The following THSD4 variants were observed in gnomAD, a reference collection of about 807,000 sequenced individuals.
THSD4 encodes the protein thrombospondin type 1 domain containing 4.
THSD4 carries 69 observed loss-of-function variants against 119.0 expected under a neutral mutation model. That is an observed-to-expected ratio of 0.58 (90% CI 0.48 to 0.71). The LOEUF is 0.71. THSD4 is among the 30% of genes least tolerant of loss of function. THSD4 has a pLI of 0.00. For missense variants in THSD4, 1,393 were observed against 1,391.1 expected (o/e 1.00, Z -0.02); for synonymous variants, 524 against 540.4 (o/e 0.97, Z 0.42).
intron 6 of THSD4, among the ~76,000 whole-genome samples, chr15:71,310,379 T>G (rs1487370033): frequency 6.6e-6 from 1 of 152,152 alleles, no homozygotes; most frequent in Non-Finnish European, 1.5e-5. Flanking sequence ...AAAGCCAGAT[T>G]AATTGGAGAA....
At chr15:71,227,583 A>G (rs570699852) in intron 4 of THSD4, among the ~76,000 whole-genome samples, 3 of 152,210 alleles carry the variant, frequency 2.0e-5, no homozygotes, top group Non-Finnish European at 2.9e-5. Context: ...AGGACCTACT[A>G]TGTGCCACAT....
intron 1 of THSD4, 134 bp from the exon 2 acceptor site, chr15:71,141,315 A>G: frequency 3.7e-6 from 2 of 546,096 alleles, no homozygotes; most frequent in East Asian, 6.2e-5. Context: ...CAGTTGGGAA[A>G]TCCTGGGAAC....
intron 6 of THSD4, among the ~76,000 whole-genome samples, chr15:71,271,829 A>C (rs1353278492): frequency 6.6e-6 from 1 of 152,174 alleles, no homozygotes; most frequent in Non-Finnish European, 1.5e-5. Flanking sequence ...TATCAACTAT[A>C]CAACTACTAG....
intron 3 of THSD4, among the ~76,000 whole-genome samples, chr15:71,166,045 C>T (rs2043292087): frequency 6.6e-6 from 1 of 152,130 alleles, no homozygotes; most frequent in Non-Finnish European, 1.5e-5. Context: ...GTGCCAGGAT[C>T]TCACCAGTGG....
At chr15:71,125,349 G>C (rs1327577469) in intron 1 of THSD4, among the ~76,000 whole-genome samples, 1 of 152,112 alleles carries the variant, frequency 6.6e-6, no homozygotes, top group Non-Finnish European at 1.5e-5. Context: ...CTTGTGTCTG[G>C]CACACAGTGA....
intron 7 of THSD4, among the ~76,000 whole-genome samples, chr15:71,567,919 C>T (rs989576305): frequency 6.6e-6 from 1 of 152,062 alleles, no homozygotes; most frequent in Non-Finnish European, 1.5e-5. Flanking sequence ...TGGATAAGAC[C>T]TTAAGGGAAT....
At position 71,471,296 on chromosome 15, in the gene THSD4, A is replaced by C. The variant is rs368319788; in HGVS notation, c.1152+59473A>C. 3.3e-5 allele frequency among the ~76,000 whole-genome samples: 5 copies of C among 152,312 alleles called. No homozygotes were observed. In the East Asian group the frequency reaches 9.7e-4, roughly 29 times the overall value. On this transcript the variant is annotated intron_variant, in intron 7 of 17. Coordinates refer to ENST00000261862, the MANE Select transcript of THSD4 (RefSeq NM_024817.3). ...CTAGGGCAAGCAGGTGGAGGTGTCCAAAAATCAGACTCATGGAGGGGAGGG... is the reference window on the plus strand; with the variant it reads ...CTAGGGCAAGCAGGTGGAGGTGTCCCAAAATCAGACTCATGGAGGGGAGGG...
chr15:71,157,427 C>T lies in THSD4; in HGVS notation c.99+2495C>T, dbSNP rs144455611. 1.1e-3 allele frequency among the ~76,000 whole-genome samples: 166 copies of T among 151,944 alleles called. 3 individuals are homozygous for T. In the East Asian group the frequency reaches 0.028, roughly 26 times the overall value. On this transcript the variant is annotated intron_variant, in intron 3 of 17. Coordinates refer to ENST00000261862, the MANE Select transcript of THSD4 (RefSeq NM_024817.3). ...ATCAGGGTATTTAGCATTCTAGTCACCTCATGCATTTATCATTTTTTTTTG... is the reference window on the plus strand; with the variant it reads ...ATCAGGGTATTTAGCATTCTAGTCATCTCATGCATTTATCATTTTTTTTTG...
chr15:71,603,853 G>A (rs11633704), intron 7 of THSD4, among the ~76,000 whole-genome samples: 12,000 of 152,264 alleles, frequency 0.079, 524 homozygotes, highest in Admixed American at 0.12. Flanking sequence ...AGGCTGAAGA[G>A]AGAGTGGTCA....
chr15:71,447,195 A>G (rs927826563), intron 7 of THSD4, among the ~76,000 whole-genome samples: 1 of 134,348 alleles, frequency 7.4e-6, no homozygotes, highest in Non-Finnish European at 1.5e-5. Context: ...ATCACGGCTC[A>G]CTGCAATCTC....
chr15:71,263,157 C>T (rs541616600), intron 6 of THSD4, among the ~76,000 whole-genome samples: 13 of 151,970 alleles, frequency 8.6e-5, no homozygotes, highest in African/African-American at 2.9e-4. Context: ...TGTGTTGTTC[C>T]CCTGTCTGTG....
chr15:71,431,264 G>T (rs4297638), intron 7 of THSD4, among the ~76,000 whole-genome samples: 83,206 of 151,896 alleles, frequency 0.55, 23,049 homozygotes, highest in Middle Eastern at 0.64. Flanking sequence ...TTATTCTGCT[G>T]GTTGAGTTCA....
chr15:71,528,367 T>C (rs896716416), intron 7 of THSD4, among the ~76,000 whole-genome samples: 3 of 152,070 alleles, frequency 2.0e-5, no homozygotes, highest in Admixed American at 6.6e-5. Flanking sequence ...AACTTCTCAT[T>C]CCAGGCAACA....
In THSD4 at chr15:71,243,111, C is replaced by A; in HGVS notation, c.912+15C>A. The A allele has an allele frequency of 6.3e-7, 1 of 1,591,672 alleles. No homozygotes were observed. On this transcript the variant is annotated intron_variant, in intron 5 of 17. Transcript: ENST00000261862. ...GCAACACCAACGTGAGTACACACAA[C>A]CCATACCGGGCCTGGAAACAGCTGC...
At chr15:71,680,548 C>G (rs2051751811) in intron 8 of THSD4, among the ~76,000 whole-genome samples, 1 of 152,196 alleles carries the variant, frequency 6.6e-6, no homozygotes, top group African/African-American at 2.4e-5. Context: ...TACTCCACAT[C>G]ATTGCTAGGT....
At chr15:71,523,441 G>A (rs1233259661) in intron 7 of THSD4, among the ~76,000 whole-genome samples, 1 of 152,218 alleles carries the variant, frequency 6.6e-6, no homozygotes, top group East Asian at 1.9e-4. Flanking sequence ...AATCCAGGAT[G>A]ACCTCATTAT....
intron 6 of THSD4, among the ~76,000 whole-genome samples, chr15:71,263,422 C>T (rs2044426714): frequency 1.3e-5 from 2 of 150,614 alleles, no homozygotes; most frequent in Admixed American, 1.3e-4. Flanking sequence ...GTGAATAGTG[C>T]CAATGAAAGA....
chr15:71,584,518 C>A (rs144724812), intron 7 of THSD4, among the ~76,000 whole-genome samples: 1 of 152,016 alleles, frequency 6.6e-6, no homozygotes. Flanking sequence ...ATCTGCCCAC[C>A]TTGGCCTCCC....
chr15:71,143,234 A>G (rs1447782604), intron 2 of THSD4, among the ~76,000 whole-genome samples: 2 of 152,208 alleles, frequency 1.3e-5, no homozygotes, highest in East Asian at 1.9e-4. Flanking sequence ...TCTCTTCAGG[A>G]TAGAAGTTGG....
Sources: allele counts gnomAD v4.1 joint callset (sites outside exome capture counted in the v4.1 genomes callset), GRCh38; gene constraint gnomAD v4.1.1; transcripts MANE v1.5; gene names NCBI Gene and HGNC (gene_info 2026-07-23, HGNC 2026-07-21).